FHAD1: variants seen among roughly 807,000 people sequenced by gnomAD.
FHAD1 encodes the protein forkhead-associated domain-containing protein 1.
FHAD1 carries 146 observed loss-of-function variants against 191.3 expected under a neutral mutation model. The ratio of observed to expected loss-of-function variants is 0.76; its 90% confidence interval spans 0.67 to 0.88. The LOEUF (loss-of-function observed/expected upper bound fraction) is 0.88. FHAD1 is among the 40% of genes least tolerant of loss of function. The pLI is 0.00. For synonymous variants in FHAD1, 616 were observed against 672.3 expected (o/e 0.92, Z 1.29); for missense variants, 1,635 against 1,785.8 (o/e 0.92, Z 1.52).
chr1:15,284,467 A>G (rs2100377938), intron 3 of FHAD1, among the ~76,000 whole-genome samples: 1 of 129,916 alleles, frequency 7.7e-6, no homozygotes, highest in South Asian at 2.6e-4. Flanking sequence ...CGACAGAGCG[A>G]GACTCCATCT....
At chr1:15,338,021 C>T (rs1403643422) in intron 14 of FHAD1, among the ~76,000 whole-genome samples, 1 of 152,106 alleles carries the variant, frequency 6.6e-6, no homozygotes, top group Non-Finnish European at 1.5e-5. Context: ...ACGGCTTGAC[C>T]TCACCCTTCC....
chr1:15,281,921 T>C (rs891710571), intron 3 of FHAD1, among the ~76,000 whole-genome samples: 17 of 152,302 alleles, frequency 1.1e-4, no homozygotes, highest in South Asian at 6.2e-4. Context: ...TGTATCTATA[T>C]CAGTACGGAC....
At chr1:15,388,012 G>A in intron 31 of FHAD1, 39 bp from the exon 32 acceptor site, 2 of 1,188,224 alleles carry the variant, frequency 1.7e-6, no homozygotes, top group Non-Finnish European at 2.2e-6. Context: ...GACACACTAA[G>A]GTTAGCACTC....
chr1:15,398,907 G>A (rs533514131), downstream of FHAD1, among the ~76,000 whole-genome samples: 113 of 150,820 alleles, frequency 7.5e-4, no homozygotes, highest in African/African-American at 2.6e-3. Flanking sequence ...TGCAACCTCC[G>A]CCTCCCAGGT....
chr1:15,317,182 C>G (rs924736009), intron 9 of FHAD1, among the ~76,000 whole-genome samples: 2 of 152,124 alleles, frequency 1.3e-5, no homozygotes, highest in Non-Finnish European at 2.9e-5. Flanking sequence ...CAGAGCGAGA[C>G]TCTGTCTCAA....
intron 31 of FHAD1, among the ~76,000 whole-genome samples, chr1:15,386,898 T>C (rs780847298): frequency 9.9e-5 from 15 of 151,634 alleles, no homozygotes; most frequent in Non-Finnish European, 1.9e-4. Context: ...AGTTTCGCTC[T>C]GTTGCCCAGG....
chr1:15,363,819 A>G (rs1695566283), intron 23 of FHAD1: 2 of 455,316 alleles, frequency 4.4e-6, no homozygotes, highest in Non-Finnish European at 8.8e-6. Context: ...AGATCCAGAA[A>G]GCAGCACGTA....
At chr1:15,397,063 C>T (rs1232853507) in intron 33 of FHAD1, among the ~76,000 whole-genome samples, 5 of 143,474 alleles carry the variant, frequency 3.5e-5, no homozygotes, top group African/African-American at 7.7e-5. Context: ...TGGTGGCGGG[C>T]GCCTGTAGTC....
chr1:15,273,396 G>C (rs1414220811), intron 3 of FHAD1, among the ~76,000 whole-genome samples: 2 of 152,102 alleles, frequency 1.3e-5, no homozygotes, highest in Non-Finnish European at 2.9e-5. Flanking sequence ...TACATCATTT[G>C]CTAGGTTTGG....
intron 20 of FHAD1, among the ~76,000 whole-genome samples, chr1:15,353,790 T>TA (rs1405244160): frequency 6.7e-6 from 1 of 148,994 alleles, no homozygotes; most frequent in Non-Finnish European, 1.5e-5. Context: ...ATCAGGCTGA[T>TA]ATCAGTTTTC....
At chr1:15,358,411 C>T in intron 21 of FHAD1, 128 bp downstream of exon 21, 1 of 891,750 alleles carries the variant, frequency 1.1e-6, no homozygotes, top group Non-Finnish European at 1.7e-6. Context: ...CCAAGTAGCT[C>T]TTTCCTGTCA....
intron 2 of FHAD1, among the ~76,000 whole-genome samples, chr1:15,253,696 T>G (rs1453274620): frequency 1.3e-5 from 2 of 152,264 alleles, no homozygotes; most frequent in Non-Finnish European, 2.9e-5. Flanking sequence ...CTGAACTTTC[T>G]AGAAGTTTTT....
chr1:15,332,450 G>T (rs1558138470), intron 14 of FHAD1, among the ~76,000 whole-genome samples: 1 of 152,180 alleles, frequency 6.6e-6, no homozygotes, highest in African/African-American at 2.4e-5. Context: ...GCTCATGCCT[G>T]TGATCCCATC....
rs79983676 is a variant in FHAD1 at position 15,349,588 on chromosome 1, T to A, written c.2454+439T>A. ...CTGGCATGGCCAAGGGAGAAAGCAC[T>A]GCTCCTGGCCCGGCCTCCTGGTGTC... On this transcript the variant is annotated intron_variant, in intron 19 of 33. Transcript: ENST00000688493. 9.5e-4 allele frequency among the ~76,000 whole-genome samples: 144 copies of A among 152,340 alleles called. 1 individual carries two copies. The East Asian group carries it at 0.026, about 27-fold the overall frequency.
At chr1:15,291,399 AT>A (rs1664731758) in intron 4 of FHAD1, among the ~76,000 whole-genome samples, 1 of 152,106 alleles carries the variant, frequency 6.6e-6, no homozygotes, top group South Asian at 2.1e-4. Flanking sequence ...CTATACTCTT[AT>A]TGTATATCTC....
chr1:15,341,985 A>C, intron 16 of FHAD1, 97 bp downstream of exon 16: 256 of 1,026,564 alleles, frequency 2.5e-4, no homozygotes, highest in Non-Finnish European at 3.2e-4. Context: ...GAGAAATCTC[A>C]GCTACTCTGT....
Position 15,289,824 on chromosome 1 carries a change from A to G in FHAD1, c.568+158A>G, listed in dbSNP as rs1420538355. ...AAGCAGAAAGTAAGAAAACAGTTAAAAAATCAGCCGTAATCCTTATCCCCA... is the reference window on the plus strand; with the variant it reads ...AAGCAGAAAGTAAGAAAACAGTTAAGAAATCAGCCGTAATCCTTATCCCCA... On this transcript the variant is annotated intron_variant, in intron 4 of 33. Transcript: ENST00000688493. This position sits in a 1 kb window ranked among gnomAD's most constrained non-coding sequence, Gnocchi z 4.2. Among the ~76,000 whole-genome samples the G allele has an allele frequency of 6.6e-6, 1 of 152,204 alleles. No individual in the cohort carries two copies. The highest frequency in any genetic ancestry group is 2.4e-5 in the African/African-American group (1 of 41,446).
Position 15,296,761 on chromosome 1 carries a change from T to C in FHAD1, c.646T>C (p.Tyr216His). The change falls in exon 5 of 34, where the codon TAT (tyrosine) becomes CAT (histidine). Residue 216 changes from tyrosine to histidine, a missense_variant. Transcript: ENST00000688493. ...IPGAVPPAEI[Y>H]VEEDLAQQDK... ...TGGGGCAGTTCCCCCTGCGGAGATTTATGTGGAGGAGGACTTGGCCCAGCA... is the reference window on the plus strand; with the variant it reads ...TGGGGCAGTTCCCCCTGCGGAGATTCATGTGGAGGAGGACTTGGCCCAGCA... The C allele has an allele frequency of 6.4e-7, 1 of 1,551,708 alleles. No homozygotes were observed. The highest frequency in any genetic ancestry group is 8.7e-7 in the Non-Finnish European group (1 of 1,147,000).
At chr1:15,380,897 T>G in intron 29 of FHAD1, 101 bp downstream of exon 29, 1 of 830,302 alleles carries the variant, frequency 1.2e-6, no homozygotes, top group Admixed American at 2.4e-5. Context: ...CACATGCCTA[T>G]TTAGTTACTC....
Sources: gnomAD v4.1 joint callset for allele counts (sites outside exome capture counted in the v4.1 genomes callset) on GRCh38, gnomAD v4.1.1 for gene constraint, Gnocchi (gnomAD v3.1) non-coding constraint, MANE v1.5 for transcripts, NCBI Gene and HGNC (gene_info 2026-07-23, HGNC 2026-07-21) for gene names.